The following RARS2 variants were observed in gnomAD, a reference collection of about 807,000 sequenced individuals.
RARS2 encodes the protein arginyl-tRNA synthetase 2, mitochondrial.
A neutral mutation model predicts 88.5 loss-of-function variants in RARS2; 67 were observed. That is an observed-to-expected ratio of 0.76 (90% CI 0.62 to 0.93). RARS2 has a LOEUF of 0.93. Ranked by LOEUF, RARS2 falls within the 40% of genes least tolerant of loss-of-function variation. RARS2 has a pLI of 0.00. For synonymous variants in RARS2, 239 were observed against 230.3 expected (o/e 1.04, Z -0.34); for missense variants, 664 against 684.2 (o/e 0.97, Z 0.33).
At chr6:87,545,827 T>C in intron 6 of RARS2, 128 bp from the exon 7 acceptor site, 1 of 1,111,660 alleles carries the variant, frequency 9.0e-7, no homozygotes, top group South Asian at 1.5e-5. Context: ...CTCAATGTTT[T>C]TTACTAAAAC....
At chr6:87,578,084 C>G (rs1772145304) in intron 1 of RARS2, among the ~76,000 whole-genome samples, 1 of 151,554 alleles carries the variant, frequency 6.6e-6, no homozygotes, top group African/African-American at 2.4e-5. Context: ...AAGTTCGAGA[C>G]CAGCCTGGGG....
chr6:87,519,904 T>C (rs1232888628), intron 13 of RARS2, among the ~76,000 whole-genome samples, 197 bp from the exon 14 acceptor site: 1 of 152,242 alleles, frequency 6.6e-6, no homozygotes, highest in South Asian at 2.1e-4. Flanking sequence ...AGCATGTGAT[T>C]ACACTACTAG....
chr6:87,569,616 TG>T (rs1203250348), intron 1 of RARS2, 26 bp from the exon 2 acceptor site: 1 of 1,534,936 alleles, frequency 6.5e-7, no homozygotes, highest in African/African-American at 1.4e-5. Context: ...AACAAAACAG[TG>T]TAAGATTGTT....
At chr6:87,582,970 G>GA (rs1309921073) in intron 1 of RARS2, among the ~76,000 whole-genome samples, 8 of 152,040 alleles carry the variant, frequency 5.3e-5, no homozygotes, top group Admixed American at 3.9e-4. Context: ...CCTATATGGG[G>GA]AAAAAAATCA....
At chr6:87,537,975 G>A (rs189884704) in intron 8 of RARS2, among the ~76,000 whole-genome samples, 1 of 152,254 alleles carries the variant, frequency 6.6e-6, no homozygotes, top group African/African-American at 2.4e-5. Flanking sequence ...AAATTGAGTT[G>A]TTGACATTCA....
chr6:87,538,840 C>T (rs554147519), intron 8 of RARS2, among the ~76,000 whole-genome samples: 127 of 152,106 alleles, frequency 8.3e-4, no homozygotes, highest in South Asian at 2.3e-3. Context: ...TTGAGACCAG[C>T]CTGGGCAACA....
At chr6:87,556,020 C>T (rs2128146909) in intron 4 of RARS2, among the ~76,000 whole-genome samples, 1 of 152,314 alleles carries the variant, frequency 6.6e-6, no homozygotes, top group East Asian at 1.9e-4. Flanking sequence ...AACTTTTCCA[C>T]TTCACAGTTA....
intron 8 of RARS2, among the ~76,000 whole-genome samples, chr6:87,537,668 A>G (rs1212191991): frequency 6.6e-6 from 1 of 152,202 alleles, no homozygotes; most frequent in Non-Finnish European, 1.5e-5. Context: ...CAAAGAGCTC[A>G]CTACTAACTA....
Position 87,545,642 on chromosome 6 carries a change from T to C in RARS2, c.509A>G (p.Tyr170Cys). Residue 170 changes from tyrosine to cysteine, a missense_variant, in exon 7 of 20, where the codon TAC becomes TGC. By Grantham distance (194) the Tyr-to-Cys change is radical. Transcript: ENST00000369536. ...ALGHQVIRIN[Y>C]LGDWGMQFGL... ...AAACTGCATGCCCCAATCGCCAAGG[T>C]AATTTATTCTTATTACTTGATGTCC... The C allele has an allele frequency of 6.2e-7, 1 of 1,613,764 alleles. No individual in the cohort carries two copies. Among genetic ancestry groups the C allele is most frequent in the Non-Finnish European group, 8.5e-7 (1 of 1,179,900 alleles).
intron 1 of RARS2, among the ~76,000 whole-genome samples, chr6:87,587,479 G>A (rs914327991): frequency 9.9e-5 from 15 of 152,254 alleles, no homozygotes; most frequent in African/African-American, 3.6e-4. Flanking sequence ...TTACACTGCT[G>A]TATAAATCCA....
intron 11 of RARS2, among the ~76,000 whole-genome samples, chr6:87,522,284 C>T (rs565376694): frequency 1.9e-4 from 27 of 145,758 alleles, no homozygotes; most frequent in African/African-American, 3.3e-4. Flanking sequence ...GAGCGAAGAT[C>T]GCACCACTGC....
At position 87,518,718 on chromosome 6, in the gene RARS2, A is replaced by AT. The variant is rs1346713164; in HGVS notation, c.1326dup (p.Ser443IlefsTer2). On this transcript the variant is annotated frameshift_variant, in exon 16 of 20. Coordinates refer to ENST00000369536, the MANE Select transcript of RARS2 (RefSeq NM_020320.5). LOFTEE classifies it high-confidence loss of function. ...CGATCCCAGCTGAACTTGTAGTCAGATAAGAGTAAACCTTTGAAGTCCTAA... is the reference window on the plus strand; with the variant it reads ...CGATCCCAGCTGAACTTGTAGTCAGATTAAGAGTAAACCTTTGAAGTCCTAA... 1 of 1,614,124 alleles carries AT rather than the reference A, an allele frequency of 6.2e-7. No homozygotes were observed. Among genetic ancestry groups the AT allele is most frequent in the Non-Finnish European group, 8.5e-7 (1 of 1,179,970 alleles).
At chr6:87,524,503 A>G in intron 11 of RARS2, 54 bp downstream of exon 11, 1 of 1,334,982 alleles carries the variant, frequency 7.5e-7, no homozygotes. Context: ...ATAGTGTTTC[A>G]TCTGAAAGCA....
intron 1 of RARS2, among the ~76,000 whole-genome samples, chr6:87,570,811 T>C (rs9450744): frequency 0.61 from 92,512 of 151,984 alleles, 28,977 homozygotes; most frequent in African/African-American, 0.75. Flanking sequence ...CCTCCGCCCC[T>C]CAAAGTGCTG....
Position 87,530,796 on chromosome 6 carries a change from A to G in RARS2, c.759T>C (p.Ile253=). Reference sequence around the variant, plus strand: ...GGTCAACCAATACCTTGTAAACCCGAATGTACTCTTCAATGCTCAAGTCCC... The same window carrying G: ...GGTCAACCAATACCTTGTAAACCCGGATGTACTCTTCAATGCTCAAGTCCC... ...KFRDLSIEEY[I]RVYKRLGVYF... The change falls in exon 9 of 20, where the codon ATT becomes ATC. Residue 253 remains isoleucine (I), a synonymous_variant. Coordinates refer to ENST00000369536, the MANE Select transcript of RARS2 (RefSeq NM_020320.5). 1 of 1,614,186 alleles carries G rather than the reference A, an allele frequency of 6.2e-7. No individual in the cohort carries two copies. Among genetic ancestry groups the G allele is most frequent in the Non-Finnish European group, 8.5e-7 (1 of 1,180,002 alleles).
rs372734269 is a variant in RARS2 at position 87,518,154 on chromosome 6, T to C, written c.1511+15A>G. Reference sequence around the variant, plus strand: ...AAGCAGAAGCACACTTGATGATCCCTGGAAAACATCATACCTGAGAAGATG... The same window carrying C: ...AAGCAGAAGCACACTTGATGATCCCCGGAAAACATCATACCTGAGAAGATG... On this transcript the variant is annotated intron_variant, in intron 17 of 19. Transcript: ENST00000369536. The C allele has an allele frequency of 2.4e-5, 39 of 1,614,032 alleles. No homozygotes were observed. Among genetic ancestry groups the C allele is most frequent in the African/African-American group, 4.0e-5 (3 of 74,930 alleles).
chr6:87,529,557 A>G lies in RARS2; in HGVS notation c.863T>C (p.Leu288Pro). The G allele has an allele frequency of 6.3e-7, 1 of 1,574,950 alleles. No individual in the cohort carries two copies. The highest frequency in any genetic ancestry group is 8.7e-7 in the Non-Finnish European group (1 of 1,144,366). The change falls in exon 10 of 20, where the codon CTC becomes CCC. Residue 288 changes from leucine to proline, a missense_variant. By Grantham distance (98) the Leu-to-Pro change is moderately conservative. Coordinates refer to ENST00000369536, the MANE Select transcript of RARS2 (RefSeq NM_020320.5). ...EVLKLLESKG[L>P]LLKTIKGTAV... ...CTGATCATACATTGTTTTCAGTAGG[A>G]GTCCTTTACTCTCCAGCAACTTTAA...
intron 18 of RARS2, 59 bp downstream of exon 18, chr6:87,516,747 A>T: frequency 6.3e-7 from 1 of 1,599,286 alleles, no homozygotes; most frequent in Non-Finnish European, 8.5e-7. Context: ...GGAAACCTTT[A>T]GATGAAAGAA....
chr6:87,515,079 T>A, intron 18 of RARS2, 59 bp from the exon 19 acceptor site: 1 of 1,271,818 alleles, frequency 7.9e-7, no homozygotes, highest in South Asian at 1.2e-5. Flanking sequence ...TTGTAAGATA[T>A]GAGCTTGATA....
Sources: gnomAD v4.1 joint callset for allele counts (sites outside exome capture counted in the v4.1 genomes callset) on GRCh38, gnomAD v4.1.1 for gene constraint, MANE v1.5 for transcripts, NCBI Gene and HGNC (gene_info 2026-07-23, HGNC 2026-07-21) for gene names.